The following UGT1A10 variants were observed in gnomAD, a reference collection of about 807,000 sequenced individuals.
UGT1A10 encodes UDP-glucuronosyltransferase 1A10.
In UGT1A10, 49 loss-of-function variants were observed where a neutral mutation model predicts 45.8. The ratio of observed to expected loss-of-function variants is 1.07; its 90% CI spans 0.85 to 1.36. UGT1A10 has a LOEUF of 1.36. Ranked by LOEUF, UGT1A10 falls within the 40% of genes most tolerant of loss-of-function variation. The pLI is 0.00. For missense variants in UGT1A10, 745 were observed against 668.6 expected, an observed-to-expected ratio of 1.11 and a Z score of -1.26; for synonymous variants, 284 against 249.7, an observed-to-expected ratio of 1.14 and a Z score of -1.29.
chr2:233,685,554 A>G (rs557417224), intron 1 of UGT1A10, among the ~76,000 whole-genome samples: 1 of 152,278 alleles, frequency 6.6e-6, no homozygotes, highest in South Asian at 2.1e-4. Context: ...TTTTGATCCA[A>G]ATTCAAATTT....
intron 1 of UGT1A10, among the ~76,000 whole-genome samples, chr2:233,641,121 C>G (rs1196317922): frequency 1.3e-5 from 2 of 152,178 alleles, no homozygotes; most frequent in Non-Finnish European, 2.9e-5. Flanking sequence ...ATAAAATCCT[C>G]AGCAAGCCTT....
intron 1 of UGT1A10, chr2:233,747,790 A>G (rs1394158635): frequency 2.0e-5 from 32 of 1,613,372 alleles, no homozygotes; most frequent in Non-Finnish European, 2.6e-5. Flanking sequence ...CCTTCCTCCT[A>G]TATTCCTAAG....
At chr2:233,741,469 A>T (rs1331222239) in intron 1 of UGT1A10, 1 of 151,940 alleles carries the variant, frequency 6.6e-6, no homozygotes, top group African/African-American at 2.4e-5. Context: ...CACACATGTA[A>T]GTTCCCTCGT....
At chr2:233,754,727 A>G (rs1302985186) in intron 1 of UGT1A10, 1 of 608,774 alleles carries the variant, frequency 1.6e-6, no homozygotes, top group Non-Finnish European at 2.8e-6. Context: ...CTGTCCCATC[A>G]CTACCGTAGG....
In UGT1A10 at chr2:233,749,593, A is replaced by G. The variant is rs751828786; in HGVS notation, c.856-17441A>G. Among the ~76,000 whole-genome samples the G allele has an allele frequency of 2.6e-5, 4 of 151,948 alleles. No individual in the cohort carries two copies. In the South Asian group the frequency reaches 8.3e-4, roughly 32 times the overall value. On this transcript the variant is annotated intron_variant, in intron 1 of 4. Coordinates refer to ENST00000344644, the MANE Select transcript of UGT1A10 (RefSeq NM_019075.4). ...GGCCACTGACTCTGTCTCAACATGA[A>G]GTCACACTAGATTTATCATGATTTG... is the stretch of plus-strand genomic sequence containing the variant.
At chr2:233,767,732 C>T (rs1041419428) in intron 2 of UGT1A10, 117 bp from the exon 3 acceptor site, 2 of 1,564,690 alleles carry the variant, frequency 1.3e-6, no homozygotes, top group Admixed American at 1.9e-5. Flanking sequence ...ACTGATCCTC[C>T]CACTCTGTTA....
intron 1 of UGT1A10, 60 bp downstream of exon 1, chr2:233,637,437 T>C (rs1200403958): frequency 6.5e-7 from 1 of 1,542,836 alleles, no homozygotes; most frequent in Admixed American, 2.0e-5. Context: ...TAAAAAAGGA[T>C]TCCTTACTGA....
chr2:233,729,996 C>A (rs766095782), intron 1 of UGT1A10: 2 of 1,613,996 alleles, frequency 1.2e-6, no homozygotes, highest in Non-Finnish European at 1.7e-6. Flanking sequence ...TATCTCAGGT[C>A]TGTATTGGTG....
chr2:233,722,900 A>G (rs976029568), intron 1 of UGT1A10, among the ~76,000 whole-genome samples: 17 of 145,938 alleles, frequency 1.2e-4, no homozygotes, highest in Middle Eastern at 3.6e-3. Context: ...GTGGAAGTGG[A>G]TCATCATAAA....
chr2:233,769,491 G>A lies in UGT1A10; in HGVS notation c.1295+1052G>A. 1 of 1,612,664 alleles carries A rather than the reference G, an allele frequency of 6.2e-7. No individual in the cohort carries two copies. The highest frequency in any genetic ancestry group is 8.5e-7 in the Non-Finnish European group (1 of 1,179,770). On this transcript the variant is annotated intron_variant, in intron 4 of 4. Coordinates refer to ENST00000344644, the MANE Select transcript of UGT1A10 (RefSeq NM_019075.4). This position sits in a 1 kb window ranked among gnomAD's most constrained non-coding sequence, Gnocchi z 4.4. Reference sequence around the variant, plus strand: ...TGTGTGTGTGTGTGCGTGTGTTTATGAGAGTGTCCATTGCTTTCTCCCATG... The same window carrying A: ...TGTGTGTGTGTGTGCGTGTGTTTATAAGAGTGTCCATTGCTTTCTCCCATG...
chr2:233,676,526 T>C (rs999298689), intron 1 of UGT1A10, among the ~76,000 whole-genome samples: 3 of 152,196 alleles, frequency 2.0e-5, no homozygotes, highest in African/African-American at 7.2e-5. Flanking sequence ...TCAGATTTCA[T>C]TAATTTTTAC....
intron 1 of UGT1A10, among the ~76,000 whole-genome samples, chr2:233,764,956 C>T (rs371892810): frequency 2.6e-5 from 4 of 152,042 alleles, no homozygotes; most frequent in Non-Finnish European, 5.9e-5. Context: ...AGAGAGGGCT[C>T]ACCTTGGGAG....
At chr2:233,771,698 A>G (rs892218397) in intron 4 of UGT1A10, 1 of 152,738 alleles carries the variant, frequency 6.5e-6, no homozygotes, top group Non-Finnish European at 1.5e-5. Flanking sequence ...GAAGAAGAGT[A>G]GGAAGCAAGG....
intron 1 of UGT1A10, among the ~76,000 whole-genome samples, chr2:233,732,755 G>GT (rs956485327): frequency 0.043 from 5,191 of 120,064 alleles, 256 homozygotes; most frequent in African/African-American, 0.13. Flanking sequence ...CACCAGCTTT[G>GT]TTTTTTTTTT....
intron 1 of UGT1A10, chr2:233,717,937 A>G: frequency 4.4e-6 from 2 of 454,168 alleles, no homozygotes; most frequent in East Asian, 7.0e-5. Flanking sequence ...TTCAGTCTCT[A>G]TGCAGACTTG....
chr2:233,648,666 G>T (rs957826105), intron 1 of UGT1A10: 11 of 297,892 alleles, frequency 3.7e-5, no homozygotes, highest in Admixed American at 1.5e-4. Flanking sequence ...GGGTTTCACC[G>T]TGTTAGCCAG....
intron 1 of UGT1A10, among the ~76,000 whole-genome samples, chr2:233,733,240 C>T (rs912669842): frequency 1.8e-4 from 28 of 152,276 alleles, no homozygotes; most frequent in Admixed American, 1.5e-3. Flanking sequence ...AATATACAAT[C>T]ATGTCATCTG....
chr2:233,710,061 T>A (rs1192849340), intron 1 of UGT1A10, among the ~76,000 whole-genome samples: 1 of 152,254 alleles, frequency 6.6e-6, no homozygotes. Context: ...CTCGGCATAA[T>A]GTCTCTTCAG....
At chr2:233,668,162 C>T (rs529403575) in intron 1 of UGT1A10, among the ~76,000 whole-genome samples, 46 of 151,988 alleles carry the variant, frequency 3.0e-4, no homozygotes, top group Non-Finnish European at 1.3e-4. Flanking sequence ...CCCATTAACT[C>T]GTCATTTACA....
Sources: allele counts gnomAD v4.1 joint callset (sites outside exome capture counted in the v4.1 genomes callset), GRCh38; gene constraint gnomAD v4.1.1; non-coding constraint Gnocchi (gnomAD v3.1); transcripts MANE v1.5; gene names NCBI Gene and HGNC (gene_info 2026-07-23, HGNC 2026-07-21).